Variants in CFAP47 observed in about 807,000 individuals in gnomAD.
CFAP47 encodes the protein cilia and flagella associated protein 47.
CFAP47 carries 29 observed loss-of-function variants against 148.1 expected under a neutral mutation model. The observed-to-expected ratio is 0.20, with a 90% CI of 0.15 to 0.27. The LOEUF (loss-of-function observed/expected upper bound fraction) is 0.27, where lower values mean the gene tolerates loss of function less well. Ranked by LOEUF, CFAP47 falls within the 10% of genes least tolerant of loss-of-function variation. CFAP47 has a pLI of 1.00. For synonymous variants in CFAP47, 664 were observed against 577.3 expected (o/e 1.15, Z -2.15); for missense variants, 1,872 against 1,697.5 (o/e 1.10, Z -1.81).
chrX:36,324,194 A>C (rs1451953059), intron 57 of CFAP47, among the ~76,000 whole-genome samples: 2 of 112,020 alleles, frequency 1.8e-5, no homozygotes, highest in Non-Finnish European at 3.8e-5. Flanking sequence ...CAAAGCTAAT[A>C]AAGTTATAGG....
chrX:36,106,206 T>A (rs376564240), intron 33 of CFAP47, among the ~76,000 whole-genome samples: 25 of 112,227 alleles, frequency 2.2e-4, no homozygotes, highest in African/African-American at 8.1e-4. Context: ...TAAACATAAA[T>A]GTATTTGTTT....
intron 8 of CFAP47, among the ~76,000 whole-genome samples, chrX:35,965,467 G>C (rs1442128686): frequency 8.9e-6 from 1 of 111,750 alleles, no homozygotes; most frequent in Admixed American, 9.5e-5. Flanking sequence ...CTGCAGATGT[G>C]TGTCACAATC....
intron 46 of CFAP47, among the ~76,000 whole-genome samples, chrX:36,231,103 T>C (rs1282828540): frequency 3.6e-5 from 4 of 110,137 alleles, no homozygotes; most frequent in African/African-American, 1.0e-4. Flanking sequence ...GGCTCTTTTT[T>C]GGTTCCATAT....
chrX:36,155,134 G>A (rs976772676), intron 37 of CFAP47, among the ~76,000 whole-genome samples: 54 of 110,513 alleles, frequency 4.9e-4, no homozygotes, highest in African/African-American at 1.6e-3. Context: ...CTTGTTCTCT[G>A]ACTATTTCTA....
intron 26 of CFAP47, among the ~76,000 whole-genome samples, chrX:36,060,560 A>G (rs957206121): frequency 1.2e-4 from 14 of 112,050 alleles, no homozygotes; most frequent in African/African-American, 4.2e-4. Flanking sequence ...TGCTAAATGA[A>G]CATATATTTC....
chrX:35,948,583 A>G lies in CFAP47; in HGVS notation c.656+131A>G, dbSNP rs896251701. Reference sequence around the variant, plus strand: ...ATTCAGCGTTGTTCATTGAGTCTCTACTATTTGCCAAGCAGTAGGTTTTTA... The same window carrying G: ...ATTCAGCGTTGTTCATTGAGTCTCTGCTATTTGCCAAGCAGTAGGTTTTTA... On this transcript the variant is annotated intron_variant, in intron 4 of 63. Coordinates refer to ENST00000378653, the MANE Select transcript of CFAP47 (RefSeq NM_001304548.2). The G allele has an allele frequency of 6.0e-6, 3 of 503,861 alleles. No individual in the cohort carries two copies. The Admixed American group carries it at 1.2e-4, about 20-fold the overall frequency. The allele number at this position is 503,861 out of a possible 1,213,427, so 41.5% of individuals were successfully genotyped here.
chrX:36,177,643 A>G (rs1399449212), intron 39 of CFAP47, among the ~76,000 whole-genome samples: 2 of 112,182 alleles, frequency 1.8e-5, no homozygotes, highest in African/African-American at 3.2e-5. Flanking sequence ...GTCTGTTTAA[A>G]AATTTTTAGT....
intron 23 of CFAP47, among the ~76,000 whole-genome samples, chrX:36,033,738 T>C (rs575785779): frequency 2.1e-4 from 24 of 111,773 alleles, no homozygotes; most frequent in African/African-American, 7.4e-4. Flanking sequence ...ATGAGGTATG[T>C]ATTTTGTTGT....
intron 25 of CFAP47, among the ~76,000 whole-genome samples, chrX:36,040,592 T>C (rs1233368223): frequency 1.2e-4 from 13 of 111,754 alleles, no homozygotes; most frequent in Non-Finnish European, 5.7e-5. Flanking sequence ...TGACATAATA[T>C]AGACTATGTT....
intron 21 of CFAP47, among the ~76,000 whole-genome samples, chrX:36,004,841 G>A (rs1364576705): frequency 9.0e-6 from 1 of 110,682 alleles, no homozygotes; most frequent in Non-Finnish European, 1.9e-5. Context: ...AAAAACCATT[G>A]AATTGTACCC....
chrX:36,055,274 T>C (rs1937546231), intron 26 of CFAP47, among the ~76,000 whole-genome samples: 1 of 110,368 alleles, frequency 9.1e-6, no homozygotes, highest in Admixed American at 9.7e-5. Flanking sequence ...ATCACATAGG[T>C]ATTAAGCCCA....
intron 45 of CFAP47, among the ~76,000 whole-genome samples, chrX:36,215,487 T>C (rs1476417255): frequency 9.1e-6 from 1 of 109,334 alleles, no homozygotes; most frequent in African/African-American, 3.3e-5. Context: ...TTGCTTCTGA[T>C]GCAAGATATA....
chrX:36,375,295 T>C (rs782327101), intron 62 of CFAP47: 79 of 154,474 alleles, frequency 5.1e-4, no homozygotes, highest in Middle Eastern at 4.8e-3. Flanking sequence ...ACCTATTGGT[T>C]GTTCAGGTGC....
chrX:36,175,671 C>G (rs1939663808), intron 39 of CFAP47, among the ~76,000 whole-genome samples: 1 of 111,981 alleles, frequency 8.9e-6, no homozygotes, highest in South Asian at 3.7e-4. Flanking sequence ...AGATCTCCAG[C>G]TGCTTGCTGG....
At chrX:35,924,628 T>G (rs1272763574) in intron 1 of CFAP47, among the ~76,000 whole-genome samples, 3 of 109,443 alleles carry the variant, frequency 2.7e-5, no homozygotes, top group African/African-American at 9.9e-5. Flanking sequence ...ATGTATATGA[T>G]TGAGCAACAT....
At chrX:36,336,789 A>C (rs1386639132) in intron 57 of CFAP47, among the ~76,000 whole-genome samples, 1 of 111,589 alleles carries the variant, frequency 9.0e-6, no homozygotes, top group Admixed American at 9.5e-5. Flanking sequence ...ATTATTTGAA[A>C]AATAATATGT....
At chrX:36,159,013 T>G (rs1254640504) in intron 37 of CFAP47, among the ~76,000 whole-genome samples, 1 of 111,964 alleles carries the variant, frequency 8.9e-6, no homozygotes, top group African/African-American at 3.2e-5. Context: ...TGGTTATGAG[T>G]TTTGAATGTT....
chrX:35,987,846 C>T (rs1294613528), intron 15 of CFAP47, among the ~76,000 whole-genome samples: 5 of 111,521 alleles, frequency 4.5e-5, no homozygotes, highest in Non-Finnish European at 9.4e-5. Context: ...TCACGGCTTC[C>T]CTTGGCTAGG....
intron 8 of CFAP47, among the ~76,000 whole-genome samples, chrX:35,957,298 A>G (rs1186490125): frequency 9.0e-6 from 1 of 111,072 alleles, no homozygotes; most frequent in Non-Finnish European, 1.9e-5. Context: ...CAATTTACAG[A>G]AAGGGTTTGC....
Sources: allele counts gnomAD v4.1 joint callset (sites outside exome capture counted in the v4.1 genomes callset), GRCh38; gene constraint gnomAD v4.1.1; transcripts MANE v1.5; gene names NCBI Gene and HGNC (gene_info 2026-07-23, HGNC 2026-07-21).